Variants in MKLN1 observed in about 807,000 individuals in gnomAD.
MKLN1 encodes muskelin.
A neutral mutation model predicts 99.0 loss-of-function variants in MKLN1; 18 were observed. That is an observed-to-expected ratio of 0.18 (90% CI 0.13 to 0.27). The LOEUF (loss-of-function observed/expected upper bound fraction) is 0.27. Ranked by LOEUF, MKLN1 falls within the 10% of genes least tolerant of loss-of-function variation. MKLN1 has a pLI of 1.00. For synonymous variants in MKLN1, 288 were observed against 293.2 expected, an observed-to-expected ratio of 0.98 and a Z score of 0.18; for missense variants, 621 against 875.9, an observed-to-expected ratio of 0.71 and a Z score of 3.67.
intron 1 of MKLN1, among the ~76,000 whole-genome samples, chr7:131,112,039 C>A (rs1189691548): frequency 1.3e-5 from 2 of 152,198 alleles, no homozygotes; most frequent in Non-Finnish European, 2.9e-5. Flanking sequence ...TTTTCAGTTC[C>A]TTCCTCTTTA....
chr7:131,142,042 C>G (rs1002779691), intron 1 of MKLN1, among the ~76,000 whole-genome samples: 4 of 151,954 alleles, frequency 2.6e-5, no homozygotes, highest in African/African-American at 9.7e-5. Context: ...TTTGGGAGGC[C>G]AGGGCAGCAG....
intron 3 of MKLN1, among the ~76,000 whole-genome samples, chr7:131,211,743 T>A (rs142585437): frequency 4.6e-5 from 7 of 152,184 alleles, no homozygotes; most frequent in South Asian, 4.1e-4. Context: ...TCTCAAGAAA[T>A]GTTGTTTCTT....
chr7:131,179,333 G>C (rs1235251953), intron 2 of MKLN1, among the ~76,000 whole-genome samples: 1 of 152,134 alleles, frequency 6.6e-6, no homozygotes, highest in Non-Finnish European at 1.5e-5. Flanking sequence ...GCACTTCCTA[G>C]ATTCCTTTAA....
At chr7:131,482,851 C>T (rs935278254) in intron 17 of MKLN1, among the ~76,000 whole-genome samples, 2 of 152,206 alleles carry the variant, frequency 1.3e-5, no homozygotes, top group African/African-American at 2.4e-5. Context: ...CATGTCTTAA[C>T]GCATGATTAT....
At chr7:131,454,400 A>G (rs1459480746) in intron 12 of MKLN1, among the ~76,000 whole-genome samples, 14 of 152,356 alleles carry the variant, frequency 9.2e-5, no homozygotes, top group Admixed American at 5.9e-4. Flanking sequence ...CAAATTTACA[A>G]AAAATAAATG....
At chr7:131,295,138 TA>T (rs1798271877) in intron 3 of MKLN1, among the ~76,000 whole-genome samples, 1 of 152,182 alleles carries the variant, frequency 6.6e-6, no homozygotes, top group South Asian at 2.1e-4. Context: ...AGCTAAGGTT[TA>T]TTTTTTTTAA....
At chr7:131,455,962 C>A (rs1193535237) in intron 12 of MKLN1, among the ~76,000 whole-genome samples, 1 of 152,002 alleles carries the variant, frequency 6.6e-6, no homozygotes, top group East Asian at 1.9e-4. Context: ...AGGATAATTG[C>A]TGGAACTTGG....
At chr7:131,392,151 G>C (rs1794213193) in intron 4 of MKLN1, among the ~76,000 whole-genome samples, 1 of 152,182 alleles carries the variant, frequency 6.6e-6, no homozygotes, top group African/African-American at 2.4e-5. Flanking sequence ...CTGATTTATA[G>C]CCACAATAAC....
chr7:131,148,487 A>G (rs148789689), intron 2 of MKLN1, among the ~76,000 whole-genome samples: 1 of 152,198 alleles, frequency 6.6e-6, no homozygotes, highest in East Asian at 1.9e-4. Flanking sequence ...TTGAAAAACC[A>G]TTCAGGGATG....
intron 2 of MKLN1, among the ~76,000 whole-genome samples, chr7:131,178,279 C>CTTTTTT (rs35412933): frequency 2.5e-3 from 183 of 72,554 alleles, no homozygotes; most frequent in Non-Finnish European, 4.0e-3. Context: ...ACATGCCCGG[C>CTTTTTT]TTTTTTTTTT....
intron 2 of MKLN1, among the ~76,000 whole-genome samples, chr7:131,173,516 T>C (rs1352963629): frequency 6.6e-6 from 1 of 152,190 alleles, no homozygotes; most frequent in East Asian, 1.9e-4. Flanking sequence ...GTCAGGAGTT[T>C]GAGACGAGCT....
At position 131,395,842 on chromosome 7, in the gene MKLN1, A is replaced by G. The variant is rs182276830; in HGVS notation, c.401-1425A>G. Among the ~76,000 whole-genome samples the G allele has an allele frequency of 1.3e-4, 19 of 151,988 alleles. No individual in the cohort carries two copies. The East Asian group carries it at 2.5e-3, about 20-fold the overall frequency. On this transcript the variant is annotated intron_variant, in intron 4 of 17. Coordinates refer to ENST00000352689, the MANE Select transcript of MKLN1 (RefSeq NM_013255.5). ...CACATTTACAATATTGAGTTTTCCT[A>G]TATAGGAACATAGTATGTTCTTTCA...
chr7:131,116,185 A>G (rs1464772911), intron 1 of MKLN1, among the ~76,000 whole-genome samples: 1 of 148,688 alleles, frequency 6.7e-6, no homozygotes, highest in African/African-American at 2.5e-5. Context: ...GGACTATATA[A>G]TGAATATATA....
intron 2 of MKLN1, among the ~76,000 whole-genome samples, chr7:131,202,146 C>CTTTTTTTTTTTT (rs58800874): frequency 1.3e-4 from 8 of 60,274 alleles, no homozygotes; most frequent in Admixed American, 2.2e-4. Flanking sequence ...GCACTATTGA[C>CTTTTTTTTTTTT]TTTTTTTTTT....
intron 1 of MKLN1, among the ~76,000 whole-genome samples, chr7:131,356,062 A>ATT (rs375785189): frequency 3.0e-4 from 35 of 116,176 alleles, no homozygotes; most frequent in Middle Eastern, 5.2e-3. Context: ...TAGTTCCCCT[A>ATT]TTTTTTTTTT....
intron 9 of MKLN1, among the ~76,000 whole-genome samples, chr7:131,434,699 G>A (rs1795626787): frequency 1.3e-5 from 2 of 152,148 alleles, no homozygotes; most frequent in South Asian, 4.1e-4. Context: ...GACCACAGGC[G>A]CGTGCCTCCA....
chr7:131,145,120 G>A (rs1483705966), intron 2 of MKLN1, among the ~76,000 whole-genome samples: 1 of 152,120 alleles, frequency 6.6e-6, no homozygotes, highest in African/African-American at 2.4e-5. Context: ...TTGATGGCCT[G>A]CCGAACAAAT....
rs1795854011 is a variant in MKLN1, at chr7:131,149,090, G to A, written c.-297+6149G>A. On this transcript the variant is annotated intron_variant, in intron 2 of 7. Coordinates refer to the MKLN1 transcript ENST00000416992. ...GTGTTGTTTGGTATTCAACGCAGGTGGGGTTTTGGTATGGCTTGGTTTTTG... is the reference window on the plus strand; with the variant it reads ...GTGTTGTTTGGTATTCAACGCAGGTAGGGTTTTGGTATGGCTTGGTTTTTG... 1.3e-5 allele frequency among the ~76,000 whole-genome samples: 2 copies of A among 152,118 alleles called. 1 individual carries two copies. The highest frequency in any genetic ancestry group is 1.3e-4 in the Admixed American group (2 of 15,262).
chr7:131,371,460 G>A (rs1046897726), intron 1 of MKLN1, among the ~76,000 whole-genome samples: 2 of 152,038 alleles, frequency 1.3e-5, no homozygotes, highest in Admixed American at 6.6e-5. Flanking sequence ...GATTTAAATA[G>A]CATTGATACA....
Sources: allele counts gnomAD v4.1 joint callset (sites outside exome capture counted in the v4.1 genomes callset), GRCh38; gene constraint gnomAD v4.1.1; transcripts MANE v1.5; gene names NCBI Gene and HGNC (gene_info 2026-07-23, HGNC 2026-07-21).